Variants in RBPMS observed in about 807,000 individuals in gnomAD.
RBPMS encodes RNA-binding protein with multiple splicing.
Under a neutral mutation model 26.8 loss-of-function variants are expected in RBPMS, and 7 were observed. The ratio of observed to expected loss-of-function variants is 0.26; its 90% CI spans 0.15 to 0.49. The LOEUF (loss-of-function observed/expected upper bound fraction) is 0.49, where lower values mean the gene tolerates loss of function less well. Among genes scored for constraint, RBPMS ranks in the 20% least tolerant of loss-of-function variants. RBPMS has a pLI of 0.98. For synonymous variants in RBPMS, 96 were observed against 93.3 expected, an observed-to-expected ratio of 1.03 and a Z score of -0.17; for missense variants, 186 against 250.0, an observed-to-expected ratio of 0.74 and a Z score of 1.73.
At chr8:30,570,496 A>G (rs1023393050) in intron 8 of RBPMS, 141 bp from the exon 9 acceptor site, 2 of 152,684 alleles carry the variant, frequency 1.3e-5, no homozygotes, top group African/African-American at 4.8e-5. Flanking sequence ...ACATGTGGTC[A>G]GCAAATATGT....
chr8:30,410,165 C>T (rs1809171396), intron 1 of RBPMS, among the ~76,000 whole-genome samples: 1 of 150,956 alleles, frequency 6.6e-6, no homozygotes, highest in South Asian at 2.1e-4. Context: ...CACACACACA[C>T]ACACACACAC....
At chr8:30,385,255 C>A in intron 1 of RBPMS, 97 bp downstream of exon 1, 2 of 811,064 alleles carry the variant, frequency 2.5e-6, no homozygotes, top group Non-Finnish European at 3.5e-6. Context: ...GAAGAAGGTT[C>A]AGGCATGGCC....
intron 6 of RBPMS, chr8:30,547,580 T>C: frequency 9.1e-7 from 1 of 1,103,272 alleles, no homozygotes; most frequent in Non-Finnish European, 1.3e-6. Context: ...AAGGTGTTAC[T>C]CTCTGACTGA....
At chr8:30,556,450 C>A in intron 6 of RBPMS, 1 of 985,932 alleles carries the variant, frequency 1.0e-6, no homozygotes, top group Non-Finnish European at 1.2e-6. Flanking sequence ...TCGCAGTCAC[C>A]TGCACCGAAA....
intron 7 of RBPMS, among the ~76,000 whole-genome samples, chr8:30,563,312 A>T (rs1447588002): frequency 6.6e-6 from 1 of 152,268 alleles, no homozygotes; most frequent in Non-Finnish European, 1.5e-5. Flanking sequence ...GCCATGTGCT[A>T]GAGAGCCCAG....
chr8:30,386,395 A>G (rs1009477015), intron 1 of RBPMS, among the ~76,000 whole-genome samples: 5 of 152,268 alleles, frequency 3.3e-5, no homozygotes, highest in African/African-American at 9.6e-5. Flanking sequence ...ACAATGCAAA[A>G]TAAATAGGAG....
At chr8:30,410,586 A>C (rs1440846525) in intron 1 of RBPMS, among the ~76,000 whole-genome samples, 1 of 151,884 alleles carries the variant, frequency 6.6e-6, no homozygotes, top group East Asian at 1.9e-4. Context: ...GTGTGTATAG[A>C]TATGTATATA....
chr8:30,520,351 G>A lies in RBPMS; in HGVS notation c.397+15915G>A, dbSNP rs551399532. Among the ~76,000 whole-genome samples the A allele has an allele frequency of 4.6e-5, 7 of 152,150 alleles. No homozygotes were observed. In the East Asian group the frequency reaches 5.8e-4, roughly 13 times the overall value. Reference sequence around the variant, plus strand: ...TTTGTGGGGGGTTGTTTGTTGCATCGTTGTTGTTATTGTTTCCCCTTTCCC... The same window carrying A: ...TTTGTGGGGGGTTGTTTGTTGCATCATTGTTGTTATTGTTTCCCCTTTCCC... On this transcript the variant is annotated intron_variant, in intron 5 of 8. Transcript: ENST00000397323.
At chr8:30,392,131 G>C (rs571472266) in intron 1 of RBPMS, among the ~76,000 whole-genome samples, 46 of 152,096 alleles carry the variant, frequency 3.0e-4, no homozygotes, top group African/African-American at 1.1e-3. Context: ...GTATAACCAC[G>C]CCCGAGGTTA....
At chr8:30,418,616 T>C (rs948542475) in intron 1 of RBPMS, among the ~76,000 whole-genome samples, 1 of 152,186 alleles carries the variant, frequency 6.6e-6, no homozygotes, top group Non-Finnish European at 1.5e-5. Flanking sequence ...TCTCACTCTG[T>C]CACCCAGGCT....
At chr8:30,496,015 A>C (rs918519364) in intron 4 of RBPMS, among the ~76,000 whole-genome samples, 1 of 152,100 alleles carries the variant, frequency 6.6e-6, no homozygotes, top group South Asian at 2.1e-4. Flanking sequence ...ATCTTTTTTC[A>C]TCTGTGTTGG....
At chr8:30,536,358 C>T (rs1374915196) in intron 5 of RBPMS, among the ~76,000 whole-genome samples, 2 of 152,182 alleles carry the variant, frequency 1.3e-5, no homozygotes, top group African/African-American at 4.8e-5. Context: ...AACTCCCGAC[C>T]TCAGGTGATC....
chr8:30,493,716 G>A (rs1819636794), intron 4 of RBPMS, among the ~76,000 whole-genome samples: 1 of 152,126 alleles, frequency 6.6e-6, no homozygotes, highest in Admixed American at 6.5e-5. Flanking sequence ...ATCATTGTCA[G>A]GGCCCAGGTC....
At chr8:30,496,925 C>G (rs1322510582) in intron 4 of RBPMS, among the ~76,000 whole-genome samples, 1 of 152,190 alleles carries the variant, frequency 6.6e-6, no homozygotes, top group African/African-American at 2.4e-5. Context: ...AAACTTTCGA[C>G]TATACCTTGC....
intron 5 of RBPMS, among the ~76,000 whole-genome samples, chr8:30,529,640 G>A (rs1823989641): frequency 6.6e-6 from 1 of 152,064 alleles, no homozygotes; most frequent in Non-Finnish European, 1.5e-5. Flanking sequence ...CTCCTCTAGA[G>A]ACATCATATA....
chr8:30,468,364 A>C (rs1327542735), intron 1 of RBPMS, among the ~76,000 whole-genome samples: 1 of 151,868 alleles, frequency 6.6e-6, no homozygotes, highest in Non-Finnish European at 1.5e-5. Context: ...ATTTCAGTCT[A>C]TCTCTTACAT....
intron 1 of RBPMS, among the ~76,000 whole-genome samples, chr8:30,429,700 T>C (rs1171736569): frequency 6.6e-6 from 1 of 152,218 alleles, no homozygotes; most frequent in African/African-American, 2.4e-5. Context: ...TTTGGCTTCT[T>C]GGTGTCTACA....
intron 6 of RBPMS, chr8:30,552,409 G>C (rs1826466068): frequency 6.6e-6 from 1 of 152,156 alleles, no homozygotes; most frequent in Admixed American, 6.5e-5. Context: ...ACTCCAAATG[G>C]AATCATGTTT....
intron 1 of RBPMS, among the ~76,000 whole-genome samples, chr8:30,453,191 T>C (rs1814795486): frequency 2.0e-5 from 3 of 152,216 alleles, no homozygotes; most frequent in Admixed American, 6.5e-5. Context: ...ATACTCTCCC[T>C]GTGGTCCTTA....
Sources: allele counts gnomAD v4.1 joint callset (sites outside exome capture counted in the v4.1 genomes callset), GRCh38; gene constraint gnomAD v4.1.1; transcripts MANE v1.5; gene names NCBI Gene and HGNC (gene_info 2026-07-23, HGNC 2026-07-21).